The following KANSL1L variants were observed in gnomAD, a reference collection of about 807,000 sequenced individuals.
KANSL1L encodes the protein KAT8 regulatory NSL complex subunit 1-like protein.
In KANSL1L, 25 loss-of-function variants were observed where a neutral mutation model predicts 108.6. That is an observed-to-expected ratio of 0.23 (90% CI 0.17 to 0.32). The LOEUF (loss-of-function observed/expected upper bound fraction) is 0.32. Among genes scored for constraint, KANSL1L ranks in the 10% least tolerant of loss-of-function variants. The probability of loss-of-function intolerance (pLI) is 1.00; values close to 1 mark genes in which losing one functional copy is unlikely to be tolerated. For synonymous variants in KANSL1L, 405 were observed against 395.1 expected, an observed-to-expected ratio of 1.03 and a Z score of -0.30; for missense variants, 1,137 against 1,125.7, an observed-to-expected ratio of 1.01 and a Z score of -0.14.
At chr2:210,071,731 G>A (rs2094509162) in intron 6 of KANSL1L, among the ~76,000 whole-genome samples, 1 of 152,176 alleles carries the variant, frequency 6.6e-6, no homozygotes, top group Non-Finnish European at 1.5e-5. Context: ...TAGGGACACA[G>A]TTCAACCCAT....
chr2:210,104,086 T>C lies in KANSL1L; in HGVS notation c.1428+18A>G, dbSNP rs369699127. ...GAAAAGTCATTTCATACCACTGATATCCTTACTTTGACTTTACCTGTTTTT... is the reference window on the plus strand; with the variant it reads ...GAAAAGTCATTTCATACCACTGATACCCTTACTTTGACTTTACCTGTTTTT... On this transcript the variant is annotated intron_variant, in intron 4 of 14. Coordinates refer to ENST00000281772, the MANE Select transcript of KANSL1L (RefSeq NM_152519.4). 4.0e-5 allele frequency: 64 copies of C among 1,584,616 alleles called. No individual in the cohort carries two copies. The African/African-American group carries it at 7.4e-4, about 18-fold the overall frequency.
chr2:210,137,758 C>T (rs1465692732), intron 2 of KANSL1L, among the ~76,000 whole-genome samples: 1 of 152,066 alleles, frequency 6.6e-6, no homozygotes, highest in Non-Finnish European at 1.5e-5. Flanking sequence ...TGGCCAGGCA[C>T]AGTGGCTCAT....
In KANSL1L at chr2:210,049,648, A is replaced by G. The variant is rs538957892; in HGVS notation, c.1756-5544T>C. Among the ~76,000 whole-genome samples the G allele has an allele frequency of 2.0e-5, 3 of 152,286 alleles. No individual in the cohort carries two copies. In the South Asian group the frequency reaches 6.2e-4, roughly 32 times the overall value. On this transcript the variant is annotated intron_variant, in intron 6 of 14. Transcript: ENST00000281772. ...ATGATTTTGTTGGCTGCCATACTAT[A>G]GTAGGAAATTAGAAGCTAAAATAAG... is the stretch of plus-strand genomic sequence containing the variant.
intron 1 of KANSL1L, among the ~76,000 whole-genome samples, chr2:210,168,060 T>C (rs1351161362): frequency 1.3e-5 from 2 of 152,124 alleles, no homozygotes; most frequent in Non-Finnish European, 2.9e-5. Context: ...ATTGTATTTA[T>C]GATTCAGGGT....
At chr2:210,161,033 G>A (rs2095358657) in intron 1 of KANSL1L, among the ~76,000 whole-genome samples, 1 of 146,572 alleles carries the variant, frequency 6.8e-6, no homozygotes, top group African/African-American at 2.6e-5. Flanking sequence ...CTGTCGCCCA[G>A]GCTGGAGTGC....
chr2:210,155,062 C>T (rs1325833735), intron 1 of KANSL1L: 1 of 152,100 alleles, frequency 6.6e-6, no homozygotes, highest in Non-Finnish European at 1.5e-5. Context: ...AATTAATCAT[C>T]ACAGCCTGAA....
At chr2:210,031,338 A>T in intron 9 of KANSL1L, 83 bp downstream of exon 9, 1 of 914,932 alleles carries the variant, frequency 1.1e-6, no homozygotes, top group Admixed American at 2.5e-5. Context: ...TGGATTATAA[A>T]CTCCCATGAG....
At chr2:210,033,695 A>AATT (rs2094057445) in intron 8 of KANSL1L, among the ~76,000 whole-genome samples, 1 of 133,014 alleles carries the variant, frequency 7.5e-6, no homozygotes, top group Non-Finnish European at 1.6e-5. Flanking sequence ...ACGCCCGGCT[A>AATT]TTTTTTTTTT....
intron 1 of KANSL1L, among the ~76,000 whole-genome samples, chr2:210,162,923 C>A (rs2095369596): frequency 6.6e-6 from 1 of 152,134 alleles, no homozygotes; most frequent in African/African-American, 2.4e-5. Flanking sequence ...CAGCCTCTAG[C>A]CATTCTATCC....
intron 3 of KANSL1L, among the ~76,000 whole-genome samples, chr2:210,113,014 C>A (rs1559567102): frequency 6.6e-6 from 1 of 152,170 alleles, no homozygotes; most frequent in Non-Finnish European, 1.5e-5. Context: ...ATACAGCCTG[C>A]ATAAGTCAGG....
chr2:210,061,066 T>G (rs2094414734), intron 6 of KANSL1L, among the ~76,000 whole-genome samples: 1 of 152,254 alleles, frequency 6.6e-6, no homozygotes, highest in African/African-American at 2.4e-5. Flanking sequence ...CTACTTTTAT[T>G]AATTTCATAT....
chr2:210,054,985 G>T (rs1478167416), intron 6 of KANSL1L, among the ~76,000 whole-genome samples: 1 of 152,150 alleles, frequency 6.6e-6, no homozygotes, highest in Non-Finnish European at 1.5e-5. Context: ...AATCAGTTGT[G>T]TTTCTATGTA....
Position 210,104,237 on chromosome 2 carries a change from G to A in KANSL1L, c.1295C>T (p.Ala432Val), listed in dbSNP as rs767244306. The A allele has an allele frequency of 1.2e-6, 2 of 1,613,716 alleles. No individual in the cohort carries two copies. Among genetic ancestry groups the A allele is most frequent in the Non-Finnish European group, 1.7e-6 (2 of 1,179,746 alleles). The change falls in exon 4 of 15, where the codon GCA becomes GTA. Residue 432 changes from alanine to valine, a missense_variant. By Grantham distance (64) the Ala-to-Val change is moderately conservative. Coordinates refer to ENST00000281772, the MANE Select transcript of KANSL1L (RefSeq NM_152519.4). ...AATGTTTAGTGAAGCTGCTTGGTCTGCAAATTGCATTTGTTTTTTCAAAAT... is the reference window on the plus strand; with the variant it reads ...AATGTTTAGTGAAGCTGCTTGGTCTACAAATTGCATTTGTTTTTTCAAAAT... ...KDILKKQMQF[A>V]DQAASLNILG...
intron 4 of KANSL1L, among the ~76,000 whole-genome samples, chr2:210,102,224 A>G (rs1162124179): frequency 6.6e-6 from 1 of 152,160 alleles, no homozygotes; most frequent in Non-Finnish European, 1.5e-5. Context: ...TACTGCCTCC[A>G]GCTTTGTTCT....
In KANSL1L at chr2:210,132,057, T is replaced by C. The variant is rs185350611; in HGVS notation, c.1089-2885A>G. Among the ~76,000 whole-genome samples the C allele has an allele frequency of 3.7e-3, 558 of 152,288 alleles. 4 individuals carry two copies. Among genetic ancestry groups the C allele is most frequent in the South Asian group, 0.023 (113 of 4,822 alleles). On this transcript the variant is annotated intron_variant, in intron 2 of 14. Transcript: ENST00000281772. Reference sequence around the variant, plus strand: ...CATTTTAACAGGAGTGAATAAAACATGTTTGCTATGCTTATAAGTGGTAAA... The same window carrying C: ...CATTTTAACAGGAGTGAATAAAACACGTTTGCTATGCTTATAAGTGGTAAA...
chr2:210,134,691 A>G (rs1342484850), intron 2 of KANSL1L, among the ~76,000 whole-genome samples: 1 of 152,198 alleles, frequency 6.6e-6, no homozygotes, highest in Non-Finnish European at 1.5e-5. Context: ...TAGTAAATTA[A>G]TAAGTGCATA....
chr2:210,159,106 A>C (rs2095348559), intron 1 of KANSL1L, among the ~76,000 whole-genome samples: 1 of 152,218 alleles, frequency 6.6e-6, no homozygotes, highest in South Asian at 2.1e-4. Flanking sequence ...AGTATATTTA[A>C]AATCCAAAGT....
At chr2:210,151,458 G>A (rs1369663399) in intron 2 of KANSL1L, 1 of 152,144 alleles carries the variant, frequency 6.6e-6, no homozygotes, top group Non-Finnish European at 1.5e-5. Context: ...TACAAAAATT[G>A]GTAAATTTTC....
chr2:210,109,538 C>A (rs973576173), intron 3 of KANSL1L, among the ~76,000 whole-genome samples: 2 of 152,090 alleles, frequency 1.3e-5, no homozygotes, highest in African/African-American at 4.8e-5. Flanking sequence ...TCATTTGTAT[C>A]GCTGATTCTT....
Sources: allele counts gnomAD v4.1 joint callset (sites outside exome capture counted in the v4.1 genomes callset), GRCh38; gene constraint gnomAD v4.1.1; transcripts MANE v1.5; gene names NCBI Gene and HGNC (gene_info 2026-07-23, HGNC 2026-07-21).